The following IGF1R variants were observed in gnomAD, a reference collection of about 807,000 sequenced individuals.
The protein encoded by IGF1R is insulin like growth factor 1 receptor, also known as insulin-like growth factor 1 receptor.
A neutral mutation model predicts 144.6 loss-of-function variants in IGF1R; 44 were observed. The observed-to-expected ratio is 0.30, with a 90% CI of 0.24 to 0.39. The LOEUF is 0.39. IGF1R is among the 10% of genes least tolerant of loss of function. The pLI is 1.00. For synonymous variants in IGF1R, 795 were observed against 722.8 expected (o/e 1.10, Z -1.60); for missense variants, 1,355 against 1,833.7 (o/e 0.74, Z 4.77).
intron 2 of IGF1R, among the ~76,000 whole-genome samples, chr15:98,860,426 G>A (rs1176499845): frequency 6.6e-6 from 1 of 152,172 alleles, no homozygotes; most frequent in East Asian, 1.9e-4. Context: ...GTAAATATTT[G>A]TCAGATCGAG....
intron 3 of IGF1R, among the ~76,000 whole-genome samples, chr15:98,894,245 T>C (rs1281392274): frequency 6.6e-6 from 1 of 152,150 alleles, no homozygotes; most frequent in African/African-American, 2.4e-5. Context: ...CAGCTTCAGA[T>C]TTTTCTATTT....
chr15:98,885,219 A>G (rs912303927), intron 2 of IGF1R, among the ~76,000 whole-genome samples: 1 of 152,122 alleles, frequency 6.6e-6, no homozygotes, highest in African/African-American at 2.4e-5. Flanking sequence ...TGCCACGTCT[A>G]TAGGGTGTAA....
intron 15 of IGF1R, among the ~76,000 whole-genome samples, chr15:98,932,464 G>A (rs532745206): frequency 2.0e-4 from 31 of 152,326 alleles, no homozygotes; most frequent in African/African-American, 6.7e-4. Flanking sequence ...CACTGGGGAC[G>A]CCTGCTTAAA....
At chr15:98,865,746 G>A (rs918465921) in intron 2 of IGF1R, among the ~76,000 whole-genome samples, 2 of 152,214 alleles carry the variant, frequency 1.3e-5, no homozygotes, top group Admixed American at 6.5e-5. Flanking sequence ...TGGTGGATCC[G>A]TCTCACAGCA....
At position 98,964,346 on chromosome 15, in the gene IGF1R, T is replaced by C. The variant is rs1465938519; in HGVS notation, c.*6904T>C. On this transcript the variant is annotated 3_prime_UTR_variant, in exon 21 of 21. Transcript: ENST00000650285. ...TAGATGAAAAAAATTTCAAAATGTT[T>C]TTGTATATTCTGTTGTAAGAATTTA... is the stretch of plus-strand genomic sequence containing the variant. 3 of 230,942 alleles carry C rather than the reference T, an allele frequency of 1.3e-5. 1 individual carries two copies. The highest frequency in any genetic ancestry group is 3.6e-4 in the South Asian group (2 of 5,516). The allele number at this position is 230,942 out of a possible 1,614,324, so 14.3% of individuals were successfully genotyped here. A position where few individuals can be genotyped will look rare whatever the true frequency, so the allele number is the denominator to read the frequency against.
intron 2 of IGF1R, among the ~76,000 whole-genome samples, chr15:98,828,210 C>T (rs570339433): frequency 5.9e-5 from 9 of 152,320 alleles, no homozygotes; most frequent in African/African-American, 1.9e-4. Context: ...CATGTCTTCC[C>T]AGCACCCTAA....
At chr15:98,695,921 A>C (rs759056483) in intron 1 of IGF1R, among the ~76,000 whole-genome samples, 45 of 151,696 alleles carry the variant, frequency 3.0e-4, no homozygotes, top group Non-Finnish European at 4.3e-4. Context: ...CCACTGACTT[A>C]TCTCTCTTAA....
intron 5 of IGF1R, among the ~76,000 whole-genome samples, chr15:98,904,341 C>T (rs1019769459): frequency 1.3e-5 from 2 of 151,908 alleles, no homozygotes; most frequent in East Asian, 1.9e-4. Context: ...TGTGAGCCAC[C>T]GTGCCTGGCC....
chr15:98,702,564 G>A (rs919889134), intron 1 of IGF1R, among the ~76,000 whole-genome samples: 2 of 152,146 alleles, frequency 1.3e-5, no homozygotes, highest in African/African-American at 2.4e-5. Context: ...TTGGCCTCAA[G>A]CGATCTACCT....
chr15:98,948,832 G>A (rs17847195), intron 20 of IGF1R, 124 bp downstream of exon 20: 257,025 of 1,154,382 alleles, frequency 0.22, 30,273 homozygotes, highest in South Asian at 0.33. Flanking sequence ...CTTGCCAGGC[G>A]TGGCTAAGAG....
chr15:98,779,965 A>T (rs1295268596), intron 2 of IGF1R, among the ~76,000 whole-genome samples: 3 of 152,278 alleles, frequency 2.0e-5, no homozygotes, highest in African/African-American at 7.2e-5. Flanking sequence ...GAAGACATTC[A>T]TCAAGTTCTC....
chr15:98,801,360 T>C (rs1016022835), intron 2 of IGF1R, among the ~76,000 whole-genome samples: 1 of 152,184 alleles, frequency 6.6e-6, no homozygotes, highest in Non-Finnish European at 1.5e-5. Flanking sequence ...TCCCCCTCCC[T>C]GCACTGCTTC....
Position 98,958,408 on chromosome 15 carries a change from G to A in IGF1R, c.*966G>A, listed in dbSNP as rs1452672298. 6.3e-6 allele frequency: 1 copy of A among 159,902 alleles called. No individual in the cohort carries two copies. Among genetic ancestry groups the A allele is most frequent in the Non-Finnish European group, 1.3e-5 (1 of 76,804 alleles). 9.9% of individuals were successfully genotyped at this position (159,902 alleles called of 1,614,324 possible). A position where few individuals can be genotyped will look rare whatever the true frequency, so the allele number is the denominator to read the frequency against. Reference sequence around the variant, plus strand: ...CATGCCTGCTTCTCTCCCAGCCCCAGCTCCCCCGCCCGCCCCCAAGGACAC... The same window carrying A: ...CATGCCTGCTTCTCTCCCAGCCCCAACTCCCCCGCCCGCCCCCAAGGACAC... On this transcript the variant is annotated 3_prime_UTR_variant, in exon 21 of 21. Coordinates refer to ENST00000650285, the MANE Select transcript of IGF1R (RefSeq NM_000875.5).
At chr15:98,716,622 A>G (rs1376080281) in intron 2 of IGF1R, among the ~76,000 whole-genome samples, 2 of 152,204 alleles carry the variant, frequency 1.3e-5, no homozygotes, top group African/African-American at 4.8e-5. Flanking sequence ...TTGGAAAAGT[A>G]GCTCACTGTA....
intron 2 of IGF1R, among the ~76,000 whole-genome samples, chr15:98,852,712 C>T (rs2011590057): frequency 6.6e-6 from 1 of 152,186 alleles, no homozygotes; most frequent in African/African-American, 2.4e-5. Context: ...GGAATCCCTC[C>T]CTCCGCCTCC....
intron 2 of IGF1R, among the ~76,000 whole-genome samples, chr15:98,714,924 G>A (rs778216527): frequency 3.3e-4 from 50 of 152,136 alleles, no homozygotes; most frequent in Non-Finnish European, 6.0e-4. Context: ...CTGCTAAGAC[G>A]ATCATGACAC....
chr15:98,737,594 T>C (rs1010864096), intron 2 of IGF1R, among the ~76,000 whole-genome samples: 3 of 152,224 alleles, frequency 2.0e-5, no homozygotes, highest in African/African-American at 7.2e-5. Flanking sequence ...TTTAAAAATT[T>C]AATTTAAAAA....
intron 20 of IGF1R, among the ~76,000 whole-genome samples, chr15:98,956,237 C>T (rs1199789039): frequency 6.6e-6 from 1 of 152,246 alleles, no homozygotes; most frequent in Non-Finnish European, 1.5e-5. Context: ...ATTTGCAGCC[C>T]AGGTGCTGTC....
intron 2 of IGF1R, among the ~76,000 whole-genome samples, chr15:98,887,687 G>A (rs975761601): frequency 2.6e-5 from 4 of 152,134 alleles, no homozygotes; most frequent in Non-Finnish European, 5.9e-5. Context: ...CCTGACGAGC[G>A]GGAATGTGAG....
Sources: allele counts gnomAD v4.1 joint callset (sites outside exome capture counted in the v4.1 genomes callset), GRCh38; gene constraint gnomAD v4.1.1; transcripts MANE v1.5; gene names NCBI Gene and HGNC (gene_info 2026-07-23, HGNC 2026-07-21).